The following NOS1 variants were observed in gnomAD, a reference collection of about 807,000 sequenced individuals.
NOS1 encodes the protein NOS type I.
A neutral mutation model predicts 164.5 loss-of-function variants in NOS1; 51 were observed. The ratio of observed to expected loss-of-function variants is 0.31; its 90% CI spans 0.25 to 0.39. NOS1 has a LOEUF of 0.39. NOS1 is among the 10% of genes least tolerant of loss of function. The probability of loss-of-function intolerance (pLI) is 1.00; values close to 1 mark genes in which losing one functional copy is unlikely to be tolerated. For missense variants in NOS1, 1,362 were observed against 1,885.6 expected (o/e 0.72, Z 5.14); for synonymous variants, 719 against 745.8 (o/e 0.96, Z 0.59).
At chr12:117,335,274 C>T (rs139264159) in intron 1 of NOS1, among the ~76,000 whole-genome samples, 9 of 152,186 alleles carry the variant, frequency 5.9e-5, no homozygotes, top group African/African-American at 1.2e-4. Context: ...CATCTCACGC[C>T]GGTCTGGGTG....
At chr12:117,282,424 CTG>C (rs1277165326) in intron 7 of NOS1, among the ~76,000 whole-genome samples, 1 of 152,212 alleles carries the variant, frequency 6.6e-6, no homozygotes, top group Non-Finnish European at 1.5e-5. Context: ...CTGTCCAGAA[CTG>C]TGTCCCTGCT....
intron 3 of NOS1, among the ~76,000 whole-genome samples, chr12:117,308,389 G>A (rs560099669): frequency 6.6e-6 from 1 of 152,196 alleles, no homozygotes; most frequent in African/African-American, 2.4e-5. Context: ...CCAGCCTGTA[G>A]TCCTAGTTAC....
intron 10 of NOS1, among the ~76,000 whole-genome samples, chr12:117,270,641 A>G (rs146298827): frequency 4.9e-4 from 75 of 152,204 alleles, no homozygotes; most frequent in African/African-American, 1.7e-3. Context: ...ATTGCAGGGA[A>G]AAAAGAAACC....
intron 17 of NOS1, 99 bp from the exon 18 acceptor site, chr12:117,247,621 T>C: frequency 9.6e-7 from 1 of 1,042,674 alleles, no homozygotes; most frequent in Non-Finnish European, 1.3e-6. Context: ...AAATTTCATA[T>C]ATTAAAACTC....
chr12:117,315,884 T>A (rs1434116602), intron 2 of NOS1, among the ~76,000 whole-genome samples: 1 of 152,234 alleles, frequency 6.6e-6, no homozygotes, highest in African/African-American at 2.4e-5. Context: ...TTACTGCTTA[T>A]GGAATATCAG....
intron 2 of NOS1, among the ~76,000 whole-genome samples, chr12:117,317,411 G>A (rs78178540): frequency 0.012 from 1,821 of 149,370 alleles, 41 homozygotes; most frequent in African/African-American, 0.042. Flanking sequence ...TGTCTTGTGC[G>A]TTGGAGGATG....
intron 15 of NOS1, among the ~76,000 whole-genome samples, chr12:117,258,678 C>T (rs1007435520): frequency 6.6e-5 from 10 of 152,154 alleles, no homozygotes; most frequent in Non-Finnish European, 1.5e-4. Context: ...TCCCTACCCC[C>T]AGCACACAAC....
chr12:117,314,617 T>C (rs944297714), intron 2 of NOS1, among the ~76,000 whole-genome samples: 1 of 152,212 alleles, frequency 6.6e-6, no homozygotes. Flanking sequence ...CTTCCTTTTT[T>C]ATTTTTTGAA....
intron 12 of NOS1, among the ~76,000 whole-genome samples, chr12:117,264,331 G>T (rs1872191101): frequency 1.3e-5 from 2 of 152,038 alleles, no homozygotes. Flanking sequence ...GGAGTGCAGT[G>T]GTGTGATCAT....
chr12:117,287,089 C>T (rs761963953), intron 5 of NOS1, among the ~76,000 whole-genome samples: 5 of 152,020 alleles, frequency 3.3e-5, no homozygotes, highest in Non-Finnish European at 7.4e-5. Flanking sequence ...GTGGTGCGTG[C>T]CCGTAATCCC....
At chr12:117,291,978 G>C (rs1873095223) in intron 3 of NOS1, among the ~76,000 whole-genome samples, 1 of 152,172 alleles carries the variant, frequency 6.6e-6, no homozygotes, top group African/African-American at 2.4e-5. Flanking sequence ...AGCCAAGCAA[G>C]ATCAGGGAGA....
intron 1 of NOS1, among the ~76,000 whole-genome samples, chr12:117,347,598 A>T (rs1876414786): frequency 6.6e-6 from 1 of 152,202 alleles, no homozygotes; most frequent in Admixed American, 6.5e-5. Flanking sequence ...AAGGGCAACA[A>T]GGAAGGTCAC....
rs1325117307 is a variant in NOS1, at chr12:117,215,335, A to G, written c.4290-11T>C. The G allele has an allele frequency of 6.5e-7, 1 of 1,537,362 alleles. No individual in the cohort carries two copies. Among genetic ancestry groups the G allele is most frequent in the Admixed American group, 2.0e-5 (1 of 50,158 alleles). ...TAGGAGCTGAAAACCCTGTGGAAAGAGAAGTTGGGGGGCAGTTAGTGCCCC... is the reference window on the plus strand; with the variant it reads ...TAGGAGCTGAAAACCCTGTGGAAAGGGAAGTTGGGGGGCAGTTAGTGCCCC... On this transcript the variant is annotated splice_polypyrimidine_tract_variant and intron_variant, in intron 28 of 28. Transcript: ENST00000317775.
intron 2 of NOS1, among the ~76,000 whole-genome samples, chr12:117,319,252 T>C (rs1257216946): frequency 6.6e-6 from 1 of 152,144 alleles, no homozygotes; most frequent in Non-Finnish European, 1.5e-5. Flanking sequence ...GGGGTCTTGC[T>C]CTGTTGCCCA....
intron 1 of NOS1, among the ~76,000 whole-genome samples, chr12:117,358,742 T>C (rs1228945345): frequency 1.3e-5 from 2 of 152,234 alleles, no homozygotes; most frequent in African/African-American, 4.8e-5. Context: ...ACCAGGTCTC[T>C]CTACCACACT....
chr12:117,234,294 C>G lies in NOS1; in HGVS notation c.3235+271G>C, dbSNP rs972649395. Among the ~76,000 whole-genome samples, 1 of 152,156 alleles carries G rather than the reference C, an allele frequency of 6.6e-6. No individual in the cohort carries two copies. Among genetic ancestry groups the G allele is most frequent in the South Asian group, 2.1e-4 (1 of 4,828 alleles). ...GAAAAGAATGGCTACTGCTAAAGTC[C>G]GTGTCTAGTCAATGAAGGAAGGTAG... is the stretch of plus-strand genomic sequence containing the variant. On this transcript the variant is annotated intron_variant, in intron 21 of 28. Coordinates refer to ENST00000317775, the MANE Select transcript of NOS1 (RefSeq NM_000620.5). This position sits in a 1 kb window ranked among gnomAD's most constrained non-coding sequence, Gnocchi z 4.3.
At chr12:117,260,338 T>C in intron 14 of NOS1, 127 bp downstream of exon 14, 5 of 948,044 alleles carry the variant, frequency 5.3e-6, no homozygotes, top group Non-Finnish European at 7.9e-6. Context: ...GTATGTGAGC[T>C]GATAGGCCCT....
In NOS1 at chr12:117,280,867, C is replaced by T. The variant is rs749192741; in HGVS notation, c.1383-1G>A. The T allele has an allele frequency of 6.2e-7, 1 of 1,613,690 alleles. No homozygotes were observed. ...CTGGGGGAATATGGTGATGGCAGAC[C>T]TGTGGTGGAGAGAGGGGAACACCCG... is the stretch of plus-strand genomic sequence containing the variant. On this transcript the variant is annotated splice_acceptor_variant, in intron 7 of 28. Coordinates refer to ENST00000317775, the MANE Select transcript of NOS1 (RefSeq NM_000620.5). LOFTEE classifies it high-confidence loss of function.
At chr12:117,267,918 C>G in intron 11 of NOS1, 125 bp downstream of exon 11, 1 of 659,112 alleles carries the variant, frequency 1.5e-6, no homozygotes, top group South Asian at 1.9e-5. Flanking sequence ...AGACCATACT[C>G]ATGGACACAA....
Sources: allele counts gnomAD v4.1 joint callset (sites outside exome capture counted in the v4.1 genomes callset), GRCh38; gene constraint gnomAD v4.1.1; non-coding constraint Gnocchi (gnomAD v3.1); transcripts MANE v1.5; gene names NCBI Gene and HGNC (gene_info 2026-07-23, HGNC 2026-07-21).